The following SLMAP variants were observed in gnomAD, a reference collection of about 807,000 sequenced individuals.
The protein encoded by SLMAP is sarcolemmal membrane-associated protein.
Under a neutral mutation model 128.8 loss-of-function variants are expected in SLMAP, and 44 were observed. That is an observed-to-expected ratio of 0.34 (90% confidence interval 0.27 to 0.44). SLMAP has a LOEUF of 0.44. SLMAP is among the 20% of genes least tolerant of loss of function. The probability of loss-of-function intolerance (pLI) is 1.00; values close to 1 mark genes in which losing one functional copy is unlikely to be tolerated. For missense variants in SLMAP, 787 were observed against 985.3 expected, an observed-to-expected ratio of 0.80 and a Z score of 2.69; for synonymous variants, 327 against 348.8, an observed-to-expected ratio of 0.94 and a Z score of 0.70.
intron 3 of SLMAP, among the ~76,000 whole-genome samples, chr3:57,832,863 A>G (rs530131555): frequency 6.6e-6 from 1 of 152,332 alleles, no homozygotes; most frequent in South Asian, 2.1e-4. Flanking sequence ...ATTGTAAACC[A>G]AAAAAGAAAG....
intron 15 of SLMAP, among the ~76,000 whole-genome samples, chr3:57,894,945 T>A (rs2096200722): frequency 6.6e-6 from 1 of 152,094 alleles, no homozygotes; most frequent in East Asian, 1.9e-4. Context: ...GAGATAGGAT[T>A]TCCATATAGG....
chr3:57,786,981 C>T (rs1194474578), intron 2 of SLMAP, among the ~76,000 whole-genome samples: 4 of 152,092 alleles, frequency 2.6e-5, no homozygotes. Flanking sequence ...TGTGATCCGC[C>T]CGCCTCGGCC....
intron 9 of SLMAP, among the ~76,000 whole-genome samples, chr3:57,861,234 A>G (rs906966838): frequency 6.6e-6 from 1 of 152,116 alleles, no homozygotes; most frequent in African/African-American, 2.4e-5. Context: ...CACTCTGCAG[A>G]GAGGAAAACT....
chr3:57,895,324 T>C (rs1217466563), intron 15 of SLMAP, among the ~76,000 whole-genome samples: 4 of 151,436 alleles, frequency 2.6e-5, no homozygotes, highest in Non-Finnish European at 5.9e-5. Context: ...ATTTCAAAAC[T>C]TTTTTTTTCT....
rs2077812811 is a variant in SLMAP at position 57,757,344 on chromosome 3, T to C, written c.-308T>C. ...TCCCCAAACTGTGTTCCAGGAGTTT[T>C]CTTGGCCGAAGCTGCCCGATGTTTG... On this transcript the variant is annotated 5_prime_UTR_variant, in exon 2 of 25. Transcript: ENST00000671191. The C allele has an allele frequency of 2.3e-6, 1 of 442,994 alleles. No homozygotes were observed. The allele number at this position is 442,994 out of a possible 1,614,324, so 27.4% of individuals were successfully genotyped here.
chr3:57,842,295 A>C (rs1053101904), intron 4 of SLMAP, among the ~76,000 whole-genome samples: 2 of 152,144 alleles, frequency 1.3e-5, no homozygotes, highest in Non-Finnish European at 2.9e-5. Context: ...ACTTTTCAAG[A>C]TATCTGAAGC....
At chr3:57,796,496 C>T (rs2086767222) in intron 2 of SLMAP, among the ~76,000 whole-genome samples, 1 of 152,100 alleles carries the variant, frequency 6.6e-6, no homozygotes, top group Non-Finnish European at 1.5e-5. Context: ...TCGTTTCCTC[C>T]CTCATAGGAT....
At chr3:57,758,874 A>T (rs1042247884) in intron 2 of SLMAP, among the ~76,000 whole-genome samples, 1 of 152,244 alleles carries the variant, frequency 6.6e-6, no homozygotes, top group African/African-American at 2.4e-5. Flanking sequence ...ACTTTAAGTT[A>T]TGTAAGACTA....
rs1210294476 is a variant in SLMAP, at chr3:57,804,940, G to C, written c.199-26443G>C. 2.6e-5 allele frequency among the ~76,000 whole-genome samples: 4 copies of C among 152,164 alleles called. No individual in the cohort carries two copies. The East Asian group carries it at 7.7e-4, about 29-fold the overall frequency. On this transcript the variant is annotated intron_variant, in intron 2 of 24. Transcript: ENST00000671191. The stretch of plus-strand genomic sequence containing the variant: ...TAAGACCTCAGAAAGAGATGTCCCA[G>C]TAGGTTCTGCTAATTTTCAAAAAGT...
At chr3:57,906,297 T>C (rs2096540358) in intron 17 of SLMAP, among the ~76,000 whole-genome samples, 1 of 106,856 alleles carries the variant, frequency 9.4e-6, no homozygotes, top group African/African-American at 3.2e-5. Flanking sequence ...ATCAAATTTT[T>C]TTCTTTTTTT....
At chr3:57,801,643 GT>G (rs35550491) in intron 2 of SLMAP, among the ~76,000 whole-genome samples, 36,432 of 146,420 alleles carry the variant, frequency 0.25, 4,968 homozygotes, top group Non-Finnish European at 0.32. Flanking sequence ...TGTTTTTCCT[GT>G]TTTTTTTTTT....
intron 14 of SLMAP, among the ~76,000 whole-genome samples, chr3:57,872,075 A>G (rs997183595): frequency 2.6e-5 from 4 of 152,218 alleles, no homozygotes; most frequent in Non-Finnish European, 4.4e-5. Flanking sequence ...AGGTAGTAGC[A>G]GTAGATTGTC....
chr3:57,808,395 AG>A (rs917734457), intron 2 of SLMAP, among the ~76,000 whole-genome samples: 1 of 152,092 alleles, frequency 6.6e-6, no homozygotes, highest in Non-Finnish European at 1.5e-5. Context: ...GTGGGCATTT[AG>A]TGCTTTAAAT....
chr3:57,786,773 G>A (rs1258758005), intron 2 of SLMAP, among the ~76,000 whole-genome samples: 1 of 130,300 alleles, frequency 7.7e-6, no homozygotes, highest in African/African-American at 2.9e-5. Flanking sequence ...TCGCTCTGTC[G>A]CCCAGGCTGG....
chr3:57,903,696 T>C lies in SLMAP; in HGVS notation c.1502-4188T>C, dbSNP rs573183797. The stretch of plus-strand genomic sequence containing the variant: ...AAAAACTGGCCCCTGGCCCAGACTA[T>C]ACACCAGGCAGTTCTAAACATATAC... On this transcript the variant is annotated intron_variant, in intron 17 of 24. Transcript: ENST00000671191. 7.2e-5 allele frequency among the ~76,000 whole-genome samples: 11 copies of C among 152,336 alleles called. No homozygotes were observed. In the South Asian group the frequency reaches 1.9e-3, roughly 26 times the overall value.
chr3:57,853,965 A>T (rs1215755545), intron 6 of SLMAP, among the ~76,000 whole-genome samples: 5 of 78,324 alleles, frequency 6.4e-5, no homozygotes, highest in African/African-American at 1.6e-4. Flanking sequence ...TTATATATAT[A>T]TATATATATA....
At chr3:57,895,705 G>T (rs755931009) in intron 15 of SLMAP, among the ~76,000 whole-genome samples, 34 of 152,066 alleles carry the variant, frequency 2.2e-4, no homozygotes, top group Non-Finnish European at 4.4e-4. Context: ...GCTTTGGGAG[G>T]CTGAGACGGG....
At chr3:57,824,394 T>G (rs908220159) in intron 2 of SLMAP, among the ~76,000 whole-genome samples, 4 of 152,186 alleles carry the variant, frequency 2.6e-5, no homozygotes, top group African/African-American at 9.7e-5. Flanking sequence ...TGGTTTTAGC[T>G]TTTATATTTA....
At chr3:57,900,490 C>CT (rs1202666165) in intron 17 of SLMAP, 9 of 152,186 alleles carry the variant, frequency 5.9e-5, no homozygotes, top group Admixed American at 4.6e-4. Flanking sequence ...TTTGGGGAAC[C>CT]TTGCCAGGGA....
Sources: allele counts gnomAD v4.1 joint callset (sites outside exome capture counted in the v4.1 genomes callset), GRCh38; gene constraint gnomAD v4.1.1; transcripts MANE v1.5; gene names NCBI Gene and HGNC (gene_info 2026-07-23, HGNC 2026-07-21).